SHANK2: variants seen among roughly 807,000 people sequenced by gnomAD.
The protein encoded by SHANK2 is SH3 and multiple ankyrin repeat domains 2, also known as SH3 and multiple ankyrin repeat domains protein 2.
Under a neutral mutation model 133.7 loss-of-function variants are expected in SHANK2, and 43 were observed. The observed-to-expected ratio is 0.32, with a 90% CI of 0.25 to 0.41. SHANK2 has a LOEUF of 0.41. Ranked by LOEUF, SHANK2 falls within the 10% of genes least tolerant of loss-of-function variation. The probability of loss-of-function intolerance (pLI) is 1.00; values close to 1 mark genes in which losing one functional copy is unlikely to be tolerated. For missense variants in SHANK2, 1,994 were observed against 2,235.8 expected, an observed-to-expected ratio of 0.89 and a Z score of 2.18; for synonymous variants, 1,017 against 952.8, an observed-to-expected ratio of 1.07 and a Z score of -1.24.
At chr11:71,205,835 C>G (rs1451675898) in intron 2 of SHANK2, among the ~76,000 whole-genome samples, 6 of 152,106 alleles carry the variant, frequency 3.9e-5, no homozygotes, top group Non-Finnish European at 5.9e-5. Flanking sequence ...AGGATGGTCT[C>G]TTGGGGCCAT....
chr11:70,755,390 T>C (rs984362456), intron 14 of SHANK2, among the ~76,000 whole-genome samples: 13 of 152,370 alleles, frequency 8.5e-5, no homozygotes, highest in African/African-American at 3.1e-4. Flanking sequence ...GCCTTCTTCC[T>C]GTGGGTGTCC....
At chr11:71,218,391 G>A (rs894411732) in intron 2 of SHANK2, among the ~76,000 whole-genome samples, 6 of 150,206 alleles carry the variant, frequency 4.0e-5, no homozygotes, top group African/African-American at 1.2e-4. Context: ...CAGCCTCCAA[G>A]TAGCTGGGAC....
chr11:70,769,043 C>T lies in SHANK2; in HGVS notation c.1777+29400G>A, dbSNP rs189407764. Among the ~76,000 whole-genome samples, 4 of 152,248 alleles carry T rather than the reference C, an allele frequency of 2.6e-5. No homozygotes were observed. In the East Asian group the frequency reaches 7.7e-4, roughly 29 times the overall value. On this transcript the variant is annotated intron_variant, in intron 14 of 25. Transcript: ENST00000601538. ...CTTGTCGGGGTCTGTCCACGCTAGG[C>T]CACCACTCTTCCCCAGGTGTAATTC...
Position 70,557,248 on chromosome 11 carries a change from G to A in SHANK2, c.2062-54317C>T, listed in dbSNP as rs868923867. Among the ~76,000 whole-genome samples the A allele has an allele frequency of 1.1e-4, 17 of 152,222 alleles. No homozygotes were observed. The South Asian group carries it at 1.2e-3, about 11-fold the overall frequency. ...ATGCAGGCTGTGTCCTGGGTGCTGG[G>A]AATGAAGCTATCAACTGGCCTCAGG... On this transcript the variant is annotated intron_variant, in intron 17 of 25. Transcript: ENST00000601538.
chr11:70,810,258 T>C (rs1948251063), intron 12 of SHANK2, among the ~76,000 whole-genome samples: 1 of 152,200 alleles, frequency 6.6e-6, no homozygotes, highest in African/African-American at 2.4e-5. Flanking sequence ...GGCCCCCACC[T>C]GAGAGGCTTC....
chr11:71,112,038 C>T (rs1191267412), intron 5 of SHANK2, among the ~76,000 whole-genome samples: 1 of 152,218 alleles, frequency 6.6e-6, no homozygotes, highest in Non-Finnish European at 1.5e-5. Flanking sequence ...CTGCCGCCCA[C>T]ATCTGGACAA....
chr11:71,094,434 CTG>C lies in SHANK2; in HGVS notation c.744+101_744+102del, dbSNP rs1200922364. On this transcript the variant is annotated intron_variant, in intron 7 of 25. Coordinates refer to ENST00000601538, the MANE Select transcript of SHANK2 (RefSeq NM_012309.5). ...CGGACTCCTAGGGTGGGCCGGAACA[CTG>C]TGCACGGACCCCCTAGGATGGGCAC... The C allele has an allele frequency of 5.1e-6, 6 of 1,181,930 alleles. No homozygotes were observed. The African/African-American group carries it at 9.2e-5, about 18-fold the overall frequency. The allele number at this position is 1,181,930 out of a possible 1,614,324, so 73.2% of individuals were successfully genotyped here.
intron 14 of SHANK2, among the ~76,000 whole-genome samples, chr11:70,720,612 T>TA (rs1185142538): frequency 6.6e-6 from 1 of 152,192 alleles, no homozygotes; most frequent in Non-Finnish European, 1.5e-5. Flanking sequence ...GGGCTGGAGA[T>TA]AGAGTTGTTT....
intron 17 of SHANK2, among the ~76,000 whole-genome samples, chr11:70,543,231 TCTA>T (rs1335154664): frequency 1.3e-5 from 2 of 152,150 alleles, no homozygotes; most frequent in Non-Finnish European, 2.9e-5. Context: ...TTTCCTCTCC[TCTA>T]CTGACACATG....
At chr11:70,656,281 G>A (rs568780633) in intron 17 of SHANK2, among the ~76,000 whole-genome samples, 8 of 152,248 alleles carry the variant, frequency 5.3e-5, no homozygotes, top group African/African-American at 1.9e-4. Context: ...TAATCATTAT[G>A]AAAACCAGTT....
intron 2 of SHANK2, 102 bp downstream of exon 2, chr11:71,224,595 T>TA (rs1555121874): frequency 1.3e-5 from 2 of 152,284 alleles, no homozygotes; most frequent in Admixed American, 1.3e-4. Flanking sequence ...ACAAGAAACT[T>TA]AAAGTCCCTG....
rs368153953 is a variant in SHANK2 at position 70,614,396 on chromosome 11, C to T, written c.2061+45432G>A. On this transcript the variant is annotated intron_variant, in intron 17 of 25. Coordinates refer to ENST00000601538, the MANE Select transcript of SHANK2 (RefSeq NM_012309.5). ...CGTGATCTCAGCTCACTGTAACCTC[C>T]GCCTCCCAGGTTCTAAGAGATTCTC... Among the ~76,000 whole-genome samples the T allele has an allele frequency of 7.3e-4, 111 of 151,652 alleles. 1 individual carries two copies. The East Asian group carries it at 0.02, about 27-fold the overall frequency.
chr11:71,132,258 G>A (rs1435134326), intron 3 of SHANK2, among the ~76,000 whole-genome samples: 1 of 152,060 alleles, frequency 6.6e-6, no homozygotes, highest in East Asian at 1.9e-4. Flanking sequence ...AAAGATGCTG[G>A]AAAAAAGCCT....
At chr11:70,818,977 C>T (rs926664144) in intron 12 of SHANK2, among the ~76,000 whole-genome samples, 57 of 152,206 alleles carry the variant, frequency 3.7e-4, no homozygotes, top group Non-Finnish European at 7.3e-5. Flanking sequence ...GGGGTGGTGG[C>T]GGTCTTCCTC....
chr11:70,636,082 C>G (rs1555003893), intron 17 of SHANK2, among the ~76,000 whole-genome samples: 1 of 152,274 alleles, frequency 6.6e-6, no homozygotes, highest in East Asian at 1.9e-4. Flanking sequence ...CAGGTCTCAG[C>G]CTAAATCCTT....
intron 2 of SHANK2, 91 bp from the exon 3 acceptor site, chr11:71,147,429 C>G (rs1184673766): frequency 9.6e-7 from 1 of 1,037,748 alleles, no homozygotes. Context: ...CTGGAACACA[C>G]GTGGGCTCGG....
chr11:70,867,028 A>T (rs1949372599), intron 11 of SHANK2, among the ~76,000 whole-genome samples: 1 of 152,064 alleles, frequency 6.6e-6, no homozygotes, highest in Non-Finnish European at 1.5e-5. Flanking sequence ...AGCCAAACGA[A>T]TGATATGCCG....
intron 3 of SHANK2, among the ~76,000 whole-genome samples, chr11:71,136,521 T>C (rs1166139058): frequency 6.6e-6 from 1 of 152,148 alleles, no homozygotes; most frequent in Non-Finnish European, 1.5e-5. Context: ...ACTTAATAGA[T>C]ACAAAGTACA....
At chr11:70,793,055 CA>C (rs782061056) in intron 14 of SHANK2, among the ~76,000 whole-genome samples, 1 of 151,826 alleles carries the variant, frequency 6.6e-6, no homozygotes, top group Non-Finnish European at 1.5e-5. Context: ...GACCCTGACT[CA>C]AAAGAAAAAA....
Sources: allele counts gnomAD v4.1 joint callset (sites outside exome capture counted in the v4.1 genomes callset), GRCh38; gene constraint gnomAD v4.1.1; transcripts MANE v1.5; gene names NCBI Gene and HGNC (gene_info 2026-07-23, HGNC 2026-07-21).